ADIPOQ: variants seen among roughly 807,000 people sequenced by gnomAD.
ADIPOQ encodes adiponectin.
In ADIPOQ, 19 loss-of-function variants were observed where a neutral mutation model predicts 16.1. That is an observed-to-expected ratio of 1.18 (90% CI 0.82 to 1.73). The LOEUF (loss-of-function observed/expected upper bound fraction) is 1.73. Among genes scored for constraint, ADIPOQ ranks in the 40% most tolerant of loss-of-function variants. The probability of loss-of-function intolerance (pLI) is 0.00; values close to 1 mark genes in which losing one functional copy is unlikely to be tolerated. For missense variants in ADIPOQ, 323 were observed against 308.3 expected (o/e 1.05, Z -0.36); for synonymous variants, 124 against 125.5 (o/e 0.99, Z 0.08).
intron 1 of ADIPOQ, among the ~76,000 whole-genome samples, chr3:186,848,956 G>A (rs1446987047): frequency 6.6e-6 from 1 of 152,032 alleles, no homozygotes; most frequent in Non-Finnish European, 1.5e-5. Flanking sequence ...TGTATTTTTG[G>A]CACCTCTACC....
intron 1 of ADIPOQ, among the ~76,000 whole-genome samples, chr3:186,851,437 A>C (rs1711763630): frequency 6.6e-6 from 1 of 152,168 alleles, no homozygotes; most frequent in African/African-American, 2.4e-5. Flanking sequence ...GATCGGAGGC[A>C]GAATCTGAGA....
chr3:186,858,035 A>G lies in ADIPOQ; in HGVS notation c.*3331A>G, dbSNP rs1712075178. Reference sequence around the variant, plus strand: ...CGTTCTGTGGCCCTGGCTGGAGTTCAGTGGTGTGATCTTGGCTCACTGCTA... The same window carrying G: ...CGTTCTGTGGCCCTGGCTGGAGTTCGGTGGTGTGATCTTGGCTCACTGCTA... On this transcript the variant is annotated 3_prime_UTR_variant, in exon 3 of 3. Transcript: ENST00000320741. 1 of 145,114 alleles carries G rather than the reference A, an allele frequency of 6.9e-6. No homozygotes were observed. The highest frequency in any genetic ancestry group is 2.6e-5 in the African/African-American group (1 of 38,772). 9.0% of individuals were successfully genotyped at this position (145,114 alleles called of 1,614,324 possible).
intron 1 of ADIPOQ, among the ~76,000 whole-genome samples, chr3:186,849,848 G>A (rs1711688166): frequency 6.6e-6 from 1 of 152,138 alleles, no homozygotes; most frequent in African/African-American, 2.4e-5. Context: ...TTAGGTCACA[G>A]CTTACATCAA....
At position 186,857,876 on chromosome 3, in the gene ADIPOQ, A is replaced by G. The variant is rs1712065950; in HGVS notation, c.*3172A>G. 1 of 151,938 alleles carries G rather than the reference A, an allele frequency of 6.6e-6. No individual in the cohort carries two copies. The highest frequency in any genetic ancestry group is 1.5e-5 in the Non-Finnish European group (1 of 67,938). 9.4% of individuals were successfully genotyped at this position (151,938 alleles called of 1,614,324 possible). On this transcript the variant is annotated 3_prime_UTR_variant, in exon 3 of 3. Transcript: ENST00000320741. ...GAAGTCTACTTTGTCTAAAAATAAC[A>G]TACGCACTCAACTTCCTTTTCTTTC... is the stretch of plus-strand genomic sequence containing the variant.
At chr3:186,844,016 G>A (rs994928290) in intron 1 of ADIPOQ, among the ~76,000 whole-genome samples, 1 of 152,142 alleles carries the variant, frequency 6.6e-6, no homozygotes, top group East Asian at 1.9e-4. Context: ...TAGGAACTCC[G>A]CTAGAAGGAA....
rs914164301 is a variant in ADIPOQ at position 186,853,869 on chromosome 3, C to A, written c.215-315C>A. On this transcript the variant is annotated intron_variant, in intron 2 of 2. Coordinates refer to ENST00000320741, the MANE Select transcript of ADIPOQ (RefSeq NM_004797.4). ...GGTAGGCAGAATAGAGGAGGAGAGA[C>A]ATCCTAGATGGAGGGGGTAGAATTG... 10 of 298,254 alleles carry A rather than the reference C, an allele frequency of 3.4e-5. No individual in the cohort carries two copies. In the Admixed American group the frequency reaches 3.7e-4, roughly 11 times the overall value. 18.5% of individuals were successfully genotyped at this position (298,254 alleles called of 1,614,324 possible). A position where few individuals can be genotyped will look rare whatever the true frequency, so the allele number is the denominator to read the frequency against.
rs1423173213 is a variant in ADIPOQ at position 186,857,858 on chromosome 3, A to C, written c.*3154A>C. 1 of 152,040 alleles carries C rather than the reference A, an allele frequency of 6.6e-6. No homozygotes were observed. The highest frequency in any genetic ancestry group is 1.5e-5 in the Non-Finnish European group (1 of 68,010). The allele number at this position is 152,040 out of a possible 1,614,324, so 9.4% of individuals were successfully genotyped here. On this transcript the variant is annotated 3_prime_UTR_variant, in exon 3 of 3. Coordinates refer to ENST00000320741, the MANE Select transcript of ADIPOQ (RefSeq NM_004797.4). ...GATAATTTTCTGTGTTCTGAAGTCT[A>C]CTTTGTCTAAAAATAACATACGCAC...
intron 1 of ADIPOQ, among the ~76,000 whole-genome samples, chr3:186,847,932 G>T (rs1368991282): frequency 6.6e-6 from 1 of 152,176 alleles, no homozygotes; most frequent in Non-Finnish European, 1.5e-5. Context: ...AGCACTTTGG[G>T]AGGCCGAGGC....
At chr3:186,850,247 G>A (rs1165384561) in intron 1 of ADIPOQ, among the ~76,000 whole-genome samples, 3 of 144,140 alleles carry the variant, frequency 2.1e-5, no homozygotes, top group Admixed American at 1.5e-4. Flanking sequence ...TACAGCCTGG[G>A]TGACAGTGTG....
In ADIPOQ at chr3:186,852,959, T is replaced by C. The variant is rs1711832274; in HGVS notation, c.-8-92T>C. 12 of 1,362,066 alleles carry C rather than the reference T, an allele frequency of 8.8e-6. No individual in the cohort carries two copies. The South Asian group carries it at 1.5e-4, about 17-fold the overall frequency. 84.4% of individuals were successfully genotyped at this position (1,362,066 alleles called of 1,614,324 possible). A position where few individuals can be genotyped will look rare whatever the true frequency, so the allele number is the denominator to read the frequency against. Reference sequence around the variant, plus strand: ...GAAAGCAGCTCCTAGAAGTAGACTCTGCTGAGATGGACGGAGTCCTTTGTA... The same window carrying C: ...GAAAGCAGCTCCTAGAAGTAGACTCCGCTGAGATGGACGGAGTCCTTTGTA... On this transcript the variant is annotated intron_variant, in intron 1 of 2. Coordinates refer to ENST00000320741, the MANE Select transcript of ADIPOQ (RefSeq NM_004797.4).
Position 186,858,365 on chromosome 3 carries a change from G to GC in ADIPOQ, c.*3661_*3662insC, listed in dbSNP as rs1278213588. The GC allele has an allele frequency of 1.4e-5, 2 of 141,606 alleles. No homozygotes were observed. Among genetic ancestry groups the GC allele is most frequent in the Non-Finnish European group, 3.2e-5 (2 of 61,698 alleles). 8.8% of individuals were successfully genotyped at this position (141,606 alleles called of 1,614,324 possible). A position where few individuals can be genotyped will look rare whatever the true frequency, so the allele number is the denominator to read the frequency against. Reference sequence around the variant, plus strand: ...TTGTATTTAAAATGTGTTTCTTACAGACTGCATGTAGTTGGGTATAATTTT... The same window carrying GC: ...TTGTATTTAAAATGTGTTTCTTACAGCACTGCATGTAGTTGGGTATAATTTT... On this transcript the variant is annotated 3_prime_UTR_variant, in exon 3 of 3. Coordinates refer to ENST00000320741, the MANE Select transcript of ADIPOQ (RefSeq NM_004797.4).
intron 1 of ADIPOQ, among the ~76,000 whole-genome samples, chr3:186,847,459 G>A (rs1711608365): frequency 6.6e-6 from 1 of 152,088 alleles, no homozygotes; most frequent in African/African-American, 2.4e-5. Context: ...TTGCCTTTTT[G>A]TATGCTGCCA....
rs191149084 is a variant in ADIPOQ at position 186,855,275 on chromosome 3, A to G, written c.*571A>G. On this transcript the variant is annotated 3_prime_UTR_variant, in exon 3 of 3. Coordinates refer to ENST00000320741, the MANE Select transcript of ADIPOQ (RefSeq NM_004797.4). ...GAGCTTCCTCAGAGAAAGTGGTTCT[A>G]TGATGACGTCCTGTCTTGGAAGGAC... 6 of 169,986 alleles carry G rather than the reference A, an allele frequency of 3.5e-5. No individual in the cohort carries two copies. The highest frequency in any genetic ancestry group is 3.4e-4 in the East Asian group (2 of 5,882). The allele number at this position is 169,986 out of a possible 1,614,324, so 10.5% of individuals were successfully genotyped here. A position where few individuals can be genotyped will look rare whatever the true frequency, so the allele number is the denominator to read the frequency against.
In ADIPOQ at chr3:186,854,954, T is replaced by C. The variant is rs2108492557; in HGVS notation, c.*250T>C. 1 of 542,960 alleles carries C rather than the reference T, an allele frequency of 1.8e-6. No individual in the cohort carries two copies. Among genetic ancestry groups the C allele is most frequent in the Non-Finnish European group, 3.3e-6 (1 of 306,054 alleles). 33.6% of individuals were successfully genotyped at this position (542,960 alleles called of 1,614,324 possible). A position where few individuals can be genotyped will look rare whatever the true frequency, so the allele number is the denominator to read the frequency against. On this transcript the variant is annotated 3_prime_UTR_variant, in exon 3 of 3. Coordinates refer to ENST00000320741, the MANE Select transcript of ADIPOQ (RefSeq NM_004797.4). ...AAAGAAGTAGTTGACAGTGCTATTT[T>C]GTGCCCACTGTCTCTCCTGATGCTC...
intron 1 of ADIPOQ, among the ~76,000 whole-genome samples, chr3:186,849,847 A>C (rs80033799): frequency 0.058 from 8,765 of 152,312 alleles, 264 homozygotes; most frequent in South Asian, 0.1. Context: ...CTTAGGTCAC[A>C]GCTTACATCA....
In ADIPOQ at chr3:186,854,627, G is replaced by T. The variant is rs183590709; in HGVS notation, c.658G>T (p.Glu220Ter). The change falls in exon 3 of 3, where the codon GAG (glutamate) becomes TAG (stop). Residue 220 changes from glutamate (E) to a stop codon, truncating the protein, a stop_gained. Coordinates refer to ENST00000320741, the MANE Select transcript of ADIPOQ (RefSeq NM_004797.4). LOFTEE classifies it high-confidence loss of function. ...QVWLQVYGEG[E>*]RNGLYADNDN... ...CTGGCTCCAGGTGTATGGGGAAGGA[G>T]AGCGTAATGGACTCTATGCTGATAA... 32 of 1,614,178 alleles carry T rather than the reference G, an allele frequency of 2.0e-5. No homozygotes were observed. The highest frequency in any genetic ancestry group is 2.5e-5 in the Non-Finnish European group (30 of 1,180,036).
chr3:186,857,199 C>T lies in ADIPOQ; in HGVS notation c.*2495C>T, dbSNP rs955613501. ...GCAAGTGTAACCTTGCATCTCATTG[C>T]TCTGGCTGAGTTGTGTGCCTGTTTC... On this transcript the variant is annotated 3_prime_UTR_variant, in exon 3 of 3. Transcript: ENST00000320741. 1 of 152,220 alleles carries T rather than the reference C, an allele frequency of 6.6e-6. No homozygotes were observed. The highest frequency in any genetic ancestry group is 1.5e-5 in the Non-Finnish European group (1 of 68,046). The allele number at this position is 152,220 out of a possible 1,614,324, so 9.4% of individuals were successfully genotyped here.
chr3:186,853,092 G>A lies in ADIPOQ; in HGVS notation c.34G>A (p.Ala12Thr). The change falls in exon 2 of 3, where the codon GCT (alanine) becomes ACT (threonine). Residue 12 changes from alanine to threonine, a missense_variant. Physicochemically the swap from Ala to Thr is moderately conservative, Grantham distance 58. Coordinates refer to ENST00000320741, the MANE Select transcript of ADIPOQ (RefSeq NM_004797.4). ...LLLGAVLLLL[A>T]LPGHDQETTT... ...GCTGGGAGCTGTTCTACTGCTATTAGCTCTGCCCGGTCATGACCAGGAAAC... is the reference window on the plus strand; with the variant it reads ...GCTGGGAGCTGTTCTACTGCTATTAACTCTGCCCGGTCATGACCAGGAAAC... 6.2e-7 allele frequency: 1 copy of A among 1,614,186 alleles called. No homozygotes were observed. Among genetic ancestry groups the A allele is most frequent in the African/African-American group, 1.3e-5 (1 of 75,052 alleles).
At chr3:186,847,738 A>T (rs886835748) in intron 1 of ADIPOQ, among the ~76,000 whole-genome samples, 15 of 152,224 alleles carry the variant, frequency 9.9e-5, no homozygotes, top group African/African-American at 3.6e-4. Flanking sequence ...GACACAACAA[A>T]TAGCATTTTA....
Sources: allele counts gnomAD v4.1 joint callset (sites outside exome capture counted in the v4.1 genomes callset), GRCh38; gene constraint gnomAD v4.1.1; transcripts MANE v1.5; gene names NCBI Gene and HGNC (gene_info 2026-07-23, HGNC 2026-07-21).